Variants in PKD1L3 observed in about 807,000 individuals in gnomAD.
The protein encoded by PKD1L3 is polycystin-1-like protein 3.
In PKD1L3, 239 loss-of-function variants were observed where a neutral mutation model predicts 184.1. That is an observed-to-expected ratio of 1.30 (90% CI 1.17 to 1.45). PKD1L3 has a LOEUF of 1.45. Ranked by LOEUF, PKD1L3 falls within the 40% of genes most tolerant of loss-of-function variation. PKD1L3 has a pLI of 0.00. For missense variants in PKD1L3, 2,660 were observed against 2,067.2 expected (o/e 1.29, Z -5.56); for synonymous variants, 996 against 778.8 (o/e 1.28, Z -4.64).
rs552833034 is a variant in PKD1L3, at chr16:71,999,936, T to C, written c.43A>G (p.Thr15Ala). 1 of 1,543,214 alleles carries C rather than the reference T, an allele frequency of 6.5e-7. No homozygotes were observed. The highest frequency in any genetic ancestry group is 1.4e-5 in the African/African-American group (1 of 73,044). Reference sequence around the variant, plus strand: ...AGCTCACTTCCTAGAATAATACTTGTTCTGATGTATAACCAAAGCCAGCTT... The same window carrying C: ...AGCTCACTTCCTAGAATAATACTTGCTCTGATGTATAACCAAAGCCAGCTT... ...GGSWLWLYIR[T>A]SIILGSELNS... Residue 15 changes from threonine (T) to alanine (A), a missense_variant, in exon 1 of 30, where the codon ACA (threonine) becomes GCA (alanine). Thr to Ala is a moderately conservative substitution (Grantham distance 58). Coordinates refer to ENST00000620267, the MANE Select transcript of PKD1L3 (RefSeq NM_181536.2).
intron 5 of PKD1L3, 127 bp from the exon 6 acceptor site, chr16:71,984,294 A>T: frequency 1.2e-6 from 1 of 864,906 alleles, no homozygotes; most frequent in South Asian, 2.0e-5. Context: ...ACAGCTCTCT[A>T]AAACAGTGAT....
rs373252628 is a variant in PKD1L3, at chr16:71,930,105, G to A, written c.5005C>T (p.Leu1669Phe). Residue 1669 changes from leucine to phenylalanine, a missense_variant, in exon 29 of 30, where the codon CTT (leucine) becomes TTT (phenylalanine). Leu to Phe is a conservative substitution (Grantham distance 22, BLOSUM62 0). Transcript: ENST00000620267. Reference sequence around the variant, plus strand: ...GCCATGAGAATGGCCGAAACGAAAAGATTAATTACCACAAGTACCATCAAG... The same window carrying A: ...GCCATGAGAATGGCCGAAACGAAAAAATTAATTACCACAAGTACCATCAAG... ...VILMVLVVIN[L>F]FVSAILMAFG... The A allele has an allele frequency of 3.9e-6, 6 of 1,551,494 alleles. No homozygotes were observed. In the East Asian group the frequency reaches 1.2e-4, roughly 32 times the overall value.
chr16:71,933,097 G>A (rs1288363746), intron 28 of PKD1L3, among the ~76,000 whole-genome samples: 1 of 152,036 alleles, frequency 6.6e-6, no homozygotes, highest in Non-Finnish European at 1.5e-5. Context: ...CTTTCAAGGG[G>A]CCATTGAGAA....
At chr16:71,988,725 G>A (rs970196653) in intron 4 of PKD1L3, among the ~76,000 whole-genome samples, 2 of 152,082 alleles carry the variant, frequency 1.3e-5, no homozygotes, top group Non-Finnish European at 2.9e-5. Context: ...AAGATAAACG[G>A]GAGAAAAGCA....
chr16:71,950,680 G>C (rs765147641), intron 19 of PKD1L3, among the ~76,000 whole-genome samples: 3 of 151,318 alleles, frequency 2.0e-5, no homozygotes, highest in Non-Finnish European at 2.9e-5. Flanking sequence ...AACAGCCTTT[G>C]ACAAAGCAGA....
chr16:71,929,770 AGTAAAT>A, intron 29 of PKD1L3, 92 bp from the exon 30 acceptor site: 1 of 1,240,874 alleles, frequency 8.1e-7, no homozygotes, highest in Non-Finnish European at 1.1e-6. Context: ...TTAAAAAATT[AGTAAAT>A]GTAAAGATAC....
chr16:71,958,279 T>G (rs1370689956), intron 16 of PKD1L3, among the ~76,000 whole-genome samples: 6 of 145,010 alleles, frequency 4.1e-5, no homozygotes, highest in Non-Finnish European at 6.1e-5. Context: ...CCCAGCTACT[T>G]GGGAGGCTGA....
At chr16:71,947,346 G>A in intron 22 of PKD1L3, 146 bp downstream of exon 22, 3 of 601,334 alleles carry the variant, frequency 5.0e-6, no homozygotes, top group Non-Finnish European at 8.9e-6. Flanking sequence ...TCATCTGGAA[G>A]GGCATTAGTC....
intron 9 of PKD1L3, 142 bp downstream of exon 9, chr16:71,979,644 A>C: frequency 9.5e-7 from 1 of 1,050,542 alleles, no homozygotes; most frequent in Non-Finnish European, 1.3e-6. Context: ...TGCCAGTGTA[A>C]AATAAAAATG....
At chr16:71,971,489 G>T (rs1470995886) in intron 12 of PKD1L3, among the ~76,000 whole-genome samples, 2 of 152,148 alleles carry the variant, frequency 1.3e-5, no homozygotes, top group Non-Finnish European at 2.9e-5. Context: ...CTCTTGCGCT[G>T]TATTTGGGGC....
chr16:71,958,120 G>C (rs2039117198), intron 16 of PKD1L3, among the ~76,000 whole-genome samples: 1 of 151,732 alleles, frequency 6.6e-6, no homozygotes, highest in Admixed American at 6.6e-5. Context: ...GGGCGCGGTG[G>C]CTCACGCCTG....
chr16:71,947,487 G>C lies in PKD1L3; in HGVS notation c.3718+5C>G. 1 of 1,517,920 alleles carries C rather than the reference G, an allele frequency of 6.6e-7. No individual in the cohort carries two copies. Among genetic ancestry groups the C allele is most frequent in the Non-Finnish European group, 8.9e-7 (1 of 1,118,048 alleles). 94.0% of individuals were successfully genotyped at this position (1,517,920 alleles called of 1,614,324 possible). The stretch of plus-strand genomic sequence containing the variant: ...TTAGGTAGTTGTTAGAACTACTTGA[G>C]TTACCCAAGAGTGCCAAGATCCTCT... On this transcript the variant is annotated splice_donor_5th_base_variant and intron_variant, in intron 22 of 29. Transcript: ENST00000620267.
intron 15 of PKD1L3, among the ~76,000 whole-genome samples, chr16:71,964,410 C>T (rs1597330636): frequency 7.4e-6 from 1 of 134,358 alleles, no homozygotes; most frequent in South Asian, 2.4e-4. Flanking sequence ...GTGATCTTGG[C>T]TCACTGCAAC....
intron 15 of PKD1L3, among the ~76,000 whole-genome samples, chr16:71,963,614 T>C (rs1212999974): frequency 6.6e-6 from 1 of 152,088 alleles, no homozygotes; most frequent in Non-Finnish European, 1.5e-5. Context: ...AAATCCCAAC[T>C]CTACAAAATA....
At chr16:71,993,785 C>CT (rs35536077) in intron 2 of PKD1L3, among the ~76,000 whole-genome samples, 12 of 151,968 alleles carry the variant, frequency 7.9e-5, no homozygotes, top group East Asian at 1.9e-4. Context: ...TGATAACATT[C>CT]TTTTTTTTGA....
At chr16:71,932,327 A>G (rs759378887) in intron 28 of PKD1L3, among the ~76,000 whole-genome samples, 1 of 152,232 alleles carries the variant, frequency 6.6e-6, no homozygotes, top group Non-Finnish European at 1.5e-5. Flanking sequence ...TGGGTTTCCT[A>G]CTTTATATGT....
At chr16:71,997,024 G>A (rs574079386) in intron 2 of PKD1L3, among the ~76,000 whole-genome samples, 96 of 151,316 alleles carry the variant, frequency 6.3e-4, no homozygotes, top group South Asian at 8.4e-4. Context: ...GAGACTGAGG[G>A]AGGCTCCCAG....
At chr16:71,990,945 C>G (rs1056078370) in intron 3 of PKD1L3, among the ~76,000 whole-genome samples, 1 of 152,024 alleles carries the variant, frequency 6.6e-6, no homozygotes, top group Non-Finnish European at 1.5e-5. Context: ...AGGTTATTTC[C>G]CCAAATAAAA....
intron 16 of PKD1L3, among the ~76,000 whole-genome samples, chr16:71,959,601 G>A (rs1302627477): frequency 1.3e-5 from 2 of 152,084 alleles, no homozygotes; most frequent in East Asian, 1.9e-4. Flanking sequence ...TGGGAGAGAG[G>A]TTACTCAAGA....
Sources: gnomAD v4.1 joint callset for allele counts (sites outside exome capture counted in the v4.1 genomes callset) on GRCh38, gnomAD v4.1.1 for gene constraint, MANE v1.5 for transcripts, NCBI Gene and HGNC (gene_info 2026-07-23, HGNC 2026-07-21) for gene names.